The following BAK1 variants were observed in gnomAD, a reference collection of about 807,000 sequenced individuals.
BAK1 encodes the protein bcl-2 homologous antagonist/killer.
In BAK1, 19 loss-of-function variants were observed where a neutral mutation model predicts 24.7. That is an observed-to-expected ratio of 0.77 (90% confidence interval 0.54 to 1.13). BAK1 has a LOEUF of 1.13. Ranked by LOEUF, BAK1 falls within the 50% of genes most tolerant of loss-of-function variation. The pLI is 0.00. For missense variants in BAK1, 194 were observed against 279.4 expected, an observed-to-expected ratio of 0.69 and a Z score of 2.18; for synonymous variants, 86 against 107.3, an observed-to-expected ratio of 0.80 and a Z score of 1.23.
In BAK1 at chr6:33,577,733, C is replaced by T; in HGVS notation, c.-31-98G>A. The T allele has an allele frequency of 1.2e-6, 1 of 808,938 alleles. No homozygotes were observed. The allele number at this position is 808,938 out of a possible 1,614,324, so 50.1% of individuals were successfully genotyped here. ...GCCATGTCCACATAGGAGAGAGGATCCCCCATTCCCAGAAAGGCCCTTAGT... is the reference window on the plus strand; with the variant it reads ...GCCATGTCCACATAGGAGAGAGGATTCCCCATTCCCAGAAAGGCCCTTAGT... On this transcript the variant is annotated intron_variant, in intron 1 of 5. Transcript: ENST00000374467. The surrounding 1 kb of genome is among the most constrained non-coding windows in gnomAD (Gnocchi z 4.6).
chr6:33,577,524 A>C lies in BAK1; in HGVS notation c.70+11T>G. 1.3e-6 allele frequency: 2 copies of C among 1,541,946 alleles called. No individual in the cohort carries two copies. Among genetic ancestry groups the C allele is most frequent in the Non-Finnish European group, 1.8e-6 (2 of 1,141,226 alleles). On this transcript the variant is annotated intron_variant, in intron 2 of 5. Coordinates refer to ENST00000374467, the MANE Select transcript of BAK1 (RefSeq NM_001188.4). The surrounding 1 kb of genome is among the most constrained non-coding windows in gnomAD (Gnocchi z 4.6). ...GTTATGGGATGGGTGAGGGGGCAGG[A>C]AGACCCTTACCAGAAGCAGAGGGCA...
chr6:33,575,284 G>A lies in BAK1; in HGVS notation c.350+14C>T. Reference sequence around the variant, plus strand: ...GAGGAGTGACTGGAGCTGGCAGGGAGGTGGCTGGGGTACCTGGTGGCAATC... The same window carrying A: ...GAGGAGTGACTGGAGCTGGCAGGGAAGTGGCTGGGGTACCTGGTGGCAATC... On this transcript the variant is annotated intron_variant, in intron 4 of 5. Transcript: ENST00000374467. This position sits in a 1 kb window ranked among gnomAD's most constrained non-coding sequence, Gnocchi z 6.3. 1 of 1,614,214 alleles carries A rather than the reference G, an allele frequency of 6.2e-7. No homozygotes were observed. The highest frequency in any genetic ancestry group is 8.5e-7 in the Non-Finnish European group (1 of 1,180,036).
In BAK1 at chr6:33,573,647, G is replaced by A; in HGVS notation, c.*156C>T. 1 of 672,638 alleles carries A rather than the reference G, an allele frequency of 1.5e-6. No individual in the cohort carries two copies. Among genetic ancestry groups the A allele is most frequent in the South Asian group, 1.9e-5 (1 of 53,906 alleles). 41.7% of individuals were successfully genotyped at this position (672,638 alleles called of 1,614,324 possible). On this transcript the variant is annotated 3_prime_UTR_variant, in exon 6 of 6. Transcript: ENST00000374467. ...GTTGAGGTGCCTCTGCAGCCTGACTGGCCCCCACGCAGGGGCCCTCCGAAG... is the reference window on the plus strand; with the variant it reads ...GTTGAGGTGCCTCTGCAGCCTGACTAGCCCCCACGCAGGGGCCCTCCGAAG...
rs537851544 is a variant in BAK1, at chr6:33,578,247, C to T, written c.-31-612G>A. ...TCTGGGCTGTTAGCCGCAAACATTTCCTGAGAGCCTAAGATATACTCTCCC... is the reference window on the plus strand; with the variant it reads ...TCTGGGCTGTTAGCCGCAAACATTTTCTGAGAGCCTAAGATATACTCTCCC... On this transcript the variant is annotated intron_variant, in intron 1 of 5. Coordinates refer to ENST00000374467, the MANE Select transcript of BAK1 (RefSeq NM_001188.4). The surrounding 1 kb of genome is among the most constrained non-coding windows in gnomAD (Gnocchi z 4.8). 1.1e-4 allele frequency among the ~76,000 whole-genome samples: 16 copies of T among 152,322 alleles called. No homozygotes were observed. In the South Asian group the frequency reaches 2.3e-3, roughly 22 times the overall value.
At position 33,573,794 on chromosome 6, in the gene BAK1, C is replaced by T. The variant is rs1762799402; in HGVS notation, c.*9G>A. 1 of 1,612,518 alleles carries T rather than the reference C, an allele frequency of 6.2e-7. No individual in the cohort carries two copies. Among genetic ancestry groups the T allele is most frequent in the Middle Eastern group, 1.7e-4 (1 of 6,058 alleles). On this transcript the variant is annotated 3_prime_UTR_variant, in exon 6 of 6. Transcript: ENST00000374467. ...TCTGAACCGGGACCCCAAAGGGCACCCTTGGGAGTCATGATTTGAAGAATC... is the reference window on the plus strand; with the variant it reads ...TCTGAACCGGGACCCCAAAGGGCACTCTTGGGAGTCATGATTTGAAGAATC...
Position 33,577,677 on chromosome 6 carries a change from C to G in BAK1, c.-31-42G>C. On this transcript the variant is annotated intron_variant, in intron 1 of 5. Transcript: ENST00000374467. This position sits in a 1 kb window ranked among gnomAD's most constrained non-coding sequence, Gnocchi z 4.6. ...GAAAAAGCAGAGATGGGGGTGAGCA[C>G]AGACCTGTGACTGGGGACCCCATAC... is the stretch of plus-strand genomic sequence containing the variant. The G allele has an allele frequency of 7.3e-7, 1 of 1,370,838 alleles. No individual in the cohort carries two copies. The highest frequency in any genetic ancestry group is 1.0e-6 in the Non-Finnish European group (1 of 1,001,530). The allele number at this position is 1,370,838 out of a possible 1,614,324, so 84.9% of individuals were successfully genotyped here. A position where few individuals can be genotyped will look rare whatever the true frequency, so the allele number is the denominator to read the frequency against.
Position 33,577,550 on chromosome 6 carries a change from G to A in BAK1, c.55C>T (p.Leu19=), listed in dbSNP as rs138561611. Residue 19 remains leucine (L), a synonymous_variant, in exon 2 of 6, where the codon CTG becomes TTG. Coordinates refer to ENST00000374467, the MANE Select transcript of BAK1 (RefSeq NM_001188.4). This position sits in a 1 kb window ranked among gnomAD's most constrained non-coding sequence, Gnocchi z 4.6. ...AGACCCTTACCAGAAGCAGAGGGCA[G>A]GGCAGGCTCTCCGCACTCCTGCCTG... ...PPRQECGEPA[L]PSASEEQVAQ... The A allele has an allele frequency of 1.9e-6, 3 of 1,548,650 alleles. No individual in the cohort carries two copies. The highest frequency in any genetic ancestry group is 1.4e-5 in the African/African-American group (1 of 73,020).
intron 4 of BAK1, chr6:33,574,670 C>T (rs894169839): frequency 9.4e-5 from 55 of 588,092 alleles, no homozygotes; most frequent in Non-Finnish European, 1.4e-4. Context: ...ATCACTTACT[C>T]CTACCTTCAC....
chr6:33,576,786 G>T (rs1299785503), intron 2 of BAK1, among the ~76,000 whole-genome samples: 1 of 152,180 alleles, frequency 6.6e-6, no homozygotes, highest in Non-Finnish European at 1.5e-5. Flanking sequence ...CAGTAGCCCT[G>T]GGAGCAGGCA....
rs1762795907 is a variant in BAK1 at position 33,573,564 on chromosome 6, G to A, written c.*239C>T. ...GGCTAAGGAGGTCCCAGAGAGCTGA[G>A]GGAGGAGACGGCCACAGCCCCTGGG... On this transcript the variant is annotated 3_prime_UTR_variant, in exon 6 of 6. Coordinates refer to ENST00000374467, the MANE Select transcript of BAK1 (RefSeq NM_001188.4). The A allele has an allele frequency of 3.5e-6, 2 of 574,260 alleles. No individual in the cohort carries two copies. Among genetic ancestry groups the A allele is most frequent in the African/African-American group, 3.7e-5 (2 of 53,454 alleles). 35.6% of individuals were successfully genotyped at this position (574,260 alleles called of 1,614,324 possible). A position where few individuals can be genotyped will look rare whatever the true frequency, so the allele number is the denominator to read the frequency against.
chr6:33,575,263 A>T lies in BAK1; in HGVS notation c.350+35T>A. On this transcript the variant is annotated intron_variant, in intron 4 of 5. Transcript: ENST00000374467. This position sits in a 1 kb window ranked among gnomAD's most constrained non-coding sequence, Gnocchi z 6.3. The stretch of plus-strand genomic sequence containing the variant: ...TGGTATGGTTGTGACATGACAGAGG[A>T]GTGACTGGAGCTGGCAGGGAGGTGG... 1 of 1,614,058 alleles carries T rather than the reference A, an allele frequency of 6.2e-7. No individual in the cohort carries two copies. Among genetic ancestry groups the T allele is most frequent in the Non-Finnish European group, 8.5e-7 (1 of 1,179,946 alleles).
chr6:33,577,393 T>C lies in BAK1; in HGVS notation c.70+142A>G, dbSNP rs1762864494. 2 of 817,186 alleles carry C rather than the reference T, an allele frequency of 2.4e-6. No homozygotes were observed. Among genetic ancestry groups the C allele is most frequent in the Admixed American group, 6.8e-5 (2 of 29,216 alleles). 50.6% of individuals were successfully genotyped at this position (817,186 alleles called of 1,614,324 possible). On this transcript the variant is annotated intron_variant, in intron 2 of 5. Transcript: ENST00000374467. The surrounding 1 kb of genome is among the most constrained non-coding windows in gnomAD (Gnocchi z 4.6). ...CTTAACCTTGACAGCAGCTCCAGCC[T>C]CTGAGCCCGTGGGTGGGGAAGAGTA...
At position 33,577,648 on chromosome 6, in the gene BAK1, G is replaced by T; in HGVS notation, c.-31-13C>A. 1.3e-6 allele frequency: 2 copies of T among 1,505,726 alleles called. No homozygotes were observed. The highest frequency in any genetic ancestry group is 1.8e-6 in the Non-Finnish European group (2 of 1,111,120). 93.3% of individuals were successfully genotyped at this position (1,505,726 alleles called of 1,614,324 possible). A position where few individuals can be genotyped will look rare whatever the true frequency, so the allele number is the denominator to read the frequency against. The stretch of plus-strand genomic sequence containing the variant: ...GGACGGGATCAGCCTGCGGGGAAGG[G>T]CGAGAAAAAGCAGAGATGGGGGTGA... On this transcript the variant is annotated splice_polypyrimidine_tract_variant and intron_variant, in intron 1 of 5. Coordinates refer to ENST00000374467, the MANE Select transcript of BAK1 (RefSeq NM_001188.4). This position sits in a 1 kb window ranked among gnomAD's most constrained non-coding sequence, Gnocchi z 4.6.
At position 33,575,165 on chromosome 6, in the gene BAK1, G is replaced by A; in HGVS notation, c.350+133C>T. The A allele has an allele frequency of 2.2e-6, 3 of 1,375,518 alleles. No individual in the cohort carries two copies. Among genetic ancestry groups the A allele is most frequent in the Non-Finnish European group, 3.1e-6 (3 of 970,860 alleles). The allele number at this position is 1,375,518 out of a possible 1,614,324, so 85.2% of individuals were successfully genotyped here. A position where few individuals can be genotyped will look rare whatever the true frequency, so the allele number is the denominator to read the frequency against. On this transcript the variant is annotated intron_variant, in intron 4 of 5. Transcript: ENST00000374467. This position sits in a 1 kb window ranked among gnomAD's most constrained non-coding sequence, Gnocchi z 6.3. ...AAAATAGGGGGCCGAGACCACATGT[G>A]AGTTCACAGCAGACATTGGACACTG...
intron 1 of BAK1, among the ~76,000 whole-genome samples, chr6:33,579,261 G>A (rs769163981): frequency 2.0e-5 from 3 of 152,198 alleles, no homozygotes; most frequent in Admixed American, 1.3e-4. Flanking sequence ...CAGGAGAATC[G>A]CTTGAACCTT....
Position 33,575,382 on chromosome 6 carries a change from T to C in BAK1, c.266A>G (p.Tyr89Cys), listed in dbSNP as rs758884894. ...AIIGDDINRR[Y>C]DSEFQTMLQH... ...CAACATGGTCTGGAACTCTGAGTCA[T>C]AGCGTCGGTTGATGTCGTCCCCGAT... Residue 89 changes from tyrosine (Y) to cysteine (C), a missense_variant, in exon 4 of 6, where the codon TAT becomes TGT. Physicochemically the swap from Tyr to Cys is radical, Grantham distance 194. Coordinates refer to ENST00000374467, the MANE Select transcript of BAK1 (RefSeq NM_001188.4). This position sits in a 1 kb window ranked among gnomAD's most constrained non-coding sequence, Gnocchi z 6.3. 5.0e-6 allele frequency: 8 copies of C among 1,614,038 alleles called. No individual in the cohort carries two copies. The African/African-American group carries it at 6.7e-5, about 13-fold the overall frequency.
Position 33,573,927 on chromosome 6 carries a change from G to T in BAK1, c.532-20C>A, listed in dbSNP as rs754404299. The T allele has an allele frequency of 1.1e-5, 18 of 1,613,968 alleles. No homozygotes were observed. In the African/African-American group the frequency reaches 2.3e-4, roughly 20 times the overall value. ...TGCCACCTGCCGGGAGAAACAAGGT[G>T]GTCACAGAGAGGCTAGCAGAAGATA... is the stretch of plus-strand genomic sequence containing the variant. On this transcript the variant is annotated intron_variant, in intron 5 of 5. Coordinates refer to ENST00000374467, the MANE Select transcript of BAK1 (RefSeq NM_001188.4).
chr6:33,576,212 C>T (rs2151256380), intron 2 of BAK1, among the ~76,000 whole-genome samples: 1 of 152,128 alleles, frequency 6.6e-6, no homozygotes, highest in East Asian at 1.9e-4. Context: ...CCTGTAATCC[C>T]ACCTACTCAA....
At chr6:33,579,380 A>AC (rs1429534262) in intron 1 of BAK1, among the ~76,000 whole-genome samples, 1 of 151,196 alleles carries the variant, frequency 6.6e-6, no homozygotes, top group Non-Finnish European at 1.5e-5. Flanking sequence ...CTTGCCTCCC[A>AC]CCCCCCGTAG....
Sources: gnomAD v4.1 joint callset for allele counts (sites outside exome capture counted in the v4.1 genomes callset) on GRCh38, gnomAD v4.1.1 for gene constraint, Gnocchi (gnomAD v3.1) non-coding constraint, MANE v1.5 for transcripts, NCBI Gene and HGNC (gene_info 2026-07-23, HGNC 2026-07-21) for gene names.